NBAS: variants seen among roughly 807,000 people sequenced by gnomAD.
The protein encoded by NBAS is NAG/BC035112 fusion.
Under a neutral mutation model 302.5 loss-of-function variants are expected in NBAS, and 219 were observed. That is an observed-to-expected ratio of 0.72 (90% CI 0.65 to 0.81). The LOEUF (loss-of-function observed/expected upper bound fraction) is 0.81. Ranked by LOEUF, NBAS falls within the 30% of genes least tolerant of loss-of-function variation. The pLI is 0.00. For missense variants in NBAS, 2,932 were observed against 2,841.6 expected (o/e 1.03, Z -0.72); for synonymous variants, 1,118 against 1,021.6 (o/e 1.09, Z -1.80).
At position 15,436,558 on chromosome 2, in the gene NBAS, A is replaced by G. The variant is rs1678025343; in HGVS notation, c.2340-8764T>C. Among the ~76,000 whole-genome samples, 3 of 152,350 alleles carry G rather than the reference A, an allele frequency of 2.0e-5. No homozygotes were observed. In the South Asian group the frequency reaches 6.2e-4, roughly 32 times the overall value. Reference sequence around the variant, plus strand: ...TATTCAAAAAGAAAAACTAAAAATCATAAATATGGCACGTTAACCTCATCT... The same window carrying G: ...TATTCAAAAAGAAAAACTAAAAATCGTAAATATGGCACGTTAACCTCATCT... On this transcript the variant is annotated intron_variant, in intron 21 of 51. Coordinates refer to ENST00000281513, the MANE Select transcript of NBAS (RefSeq NM_015909.4).
the NBAS span, among the ~76,000 whole-genome samples, chr2:15,064,759 C>T: frequency 6.6e-6 from 1 of 152,086 alleles, no homozygotes; most frequent in Non-Finnish European, 1.5e-5. Flanking sequence ...CAGACAAAGG[C>T]ACTACCAAAA....
chr2:15,440,690 A>G lies in NBAS; in HGVS notation c.2340-12896T>C, dbSNP rs1203073691. 4.6e-5 allele frequency among the ~76,000 whole-genome samples: 7 copies of G among 152,218 alleles called. 1 individual carries two copies. The highest frequency in any genetic ancestry group is 4.1e-4 in the South Asian group (2 of 4,832). ...CTTTGATGAGTTGAGAGAAGGCTTC[A>G]GATGATCCAACTACTCCGAGCTACA... On this transcript the variant is annotated intron_variant, in intron 21 of 51. Transcript: ENST00000281513.
downstream of NBAS, among the ~76,000 whole-genome samples, chr2:15,164,806 T>A (rs1474741741): frequency 6.6e-6 from 1 of 152,174 alleles, no homozygotes; most frequent in Middle Eastern, 3.2e-3. Context: ...GAGTGAATTA[T>A]TTGTTGTTCC....
Position 15,351,870 on chromosome 2 carries a change from GCACA to G in NBAS, c.4179+118_4179+121del, listed in dbSNP as rs10605991. The G allele has an allele frequency of 0.021, 14,533 of 697,536 alleles. 325 individuals are homozygous for G. Among genetic ancestry groups the G allele is most frequent in the African/African-American group, 0.12 (6,434 of 55,112 alleles). 43.2% of individuals were successfully genotyped at this position (697,536 alleles called of 1,614,324 possible). ...AGCTGAAAAGAAAAGTGGTCTGCAT[GCACA>G]CACACACACACACACACACACACAC... On this transcript the variant is annotated intron_variant, in intron 35 of 51. Coordinates refer to ENST00000281513, the MANE Select transcript of NBAS (RefSeq NM_015909.4).
chr2:15,335,762 A>G (rs1672554428), intron 35 of NBAS, among the ~76,000 whole-genome samples: 2 of 152,112 alleles, frequency 1.3e-5, no homozygotes. Flanking sequence ...AATACTTGCT[A>G]TTACTCTGTA....
the NBAS span, among the ~76,000 whole-genome samples, chr2:14,839,342 C>A: frequency 6.6e-6 from 1 of 152,046 alleles, no homozygotes; most frequent in Non-Finnish European, 1.5e-5. Flanking sequence ...AGCAAGTGGA[C>A]AACCAGCTTT....
At chr2:15,046,027 T>TC in the NBAS span, among the ~76,000 whole-genome samples, 45 of 152,312 alleles carry the variant, frequency 3.0e-4, 1 homozygote, top group East Asian at 8.7e-3. Flanking sequence ...CTATTGCTAC[T>TC]CATGTGTCTA....
the NBAS span, among the ~76,000 whole-genome samples, chr2:14,875,431 A>G: frequency 1.5e-3 from 222 of 152,282 alleles, no homozygotes; most frequent in African/African-American, 4.5e-3. Flanking sequence ...CCTGGCCAAC[A>G]TGGTGAAACC....
chr2:15,505,030 T>C (rs368990454), intron 10 of NBAS, among the ~76,000 whole-genome samples: 1 of 151,876 alleles, frequency 6.6e-6, no homozygotes, highest in Non-Finnish European at 1.5e-5. Flanking sequence ...GAAAGGGAGA[T>C]AAATCTACAC....
chr2:14,851,386 G>T, the NBAS span, among the ~76,000 whole-genome samples: 4 of 151,984 alleles, frequency 2.6e-5, no homozygotes, highest in Non-Finnish European at 4.4e-5. Flanking sequence ...CCAGGAAGAA[G>T]TTGAATCTCT....
the NBAS span, among the ~76,000 whole-genome samples, chr2:14,790,432 A>G: frequency 1.3e-5 from 2 of 152,206 alleles, no homozygotes; most frequent in Non-Finnish European, 2.9e-5. Context: ...CCAGTGAAAT[A>G]GTCTGTTTTG....
chr2:15,394,401 C>A, intron 27 of NBAS, 52 bp from the exon 28 acceptor site: 1 of 1,596,658 alleles, frequency 6.3e-7, no homozygotes, highest in South Asian at 1.1e-5. Flanking sequence ...CAAAAAGAGT[C>A]TAAGAATCTT....
At chr2:15,418,618 C>T (rs906739685) in intron 23 of NBAS, among the ~76,000 whole-genome samples, 8 of 152,158 alleles carry the variant, frequency 5.3e-5, no homozygotes, top group Non-Finnish European at 1.2e-4. Context: ...GAAGACAGTA[C>T]TTAGCCAGCC....
At chr2:15,476,086 T>C (rs1050883747) in intron 13 of NBAS, among the ~76,000 whole-genome samples, 13 of 152,150 alleles carry the variant, frequency 8.5e-5, no homozygotes, top group African/African-American at 2.9e-4. Flanking sequence ...CCTTGACAAA[T>C]TGAGCGCCAA....
chr2:15,334,595 TA>T (rs1672495824), intron 35 of NBAS, among the ~76,000 whole-genome samples: 2 of 152,236 alleles, frequency 1.3e-5, no homozygotes, highest in Admixed American at 1.3e-4. Flanking sequence ...TAAGCTCATT[TA>T]TTTTTCTGTG....
the NBAS span, among the ~76,000 whole-genome samples, chr2:14,956,764 T>C: frequency 6.6e-6 from 1 of 152,032 alleles, no homozygotes; most frequent in Non-Finnish European, 1.5e-5. Flanking sequence ...CCCCCCAAGA[T>C]TCAATTATCT....
chr2:14,969,439 C>T, the NBAS span, among the ~76,000 whole-genome samples: 19 of 151,936 alleles, frequency 1.3e-4, no homozygotes, highest in African/African-American at 3.1e-4. Flanking sequence ...TGGAGTGGTG[C>T]GATCTCAGCT....
intron 9 of NBAS, among the ~76,000 whole-genome samples, chr2:15,525,050 C>A (rs78474118): frequency 6.6e-6 from 1 of 152,154 alleles, no homozygotes; most frequent in African/African-American, 2.4e-5. Flanking sequence ...TCAGCATCTA[C>A]CTATATGGCT....
the NBAS span, among the ~76,000 whole-genome samples, chr2:15,018,422 T>C: frequency 2.0e-5 from 3 of 151,982 alleles, no homozygotes; most frequent in African/African-American, 4.8e-5. Flanking sequence ...TTATTATATG[T>C]CAATGGTTAA....
Sources: allele counts gnomAD v4.1 joint callset (sites outside exome capture counted in the v4.1 genomes callset), GRCh38; gene constraint gnomAD v4.1.1; transcripts MANE v1.5; gene names NCBI Gene and HGNC (gene_info 2026-07-23, HGNC 2026-07-21).